Variants in GOLGA4 observed in about 807,000 individuals in gnomAD.
GOLGA4 encodes the protein golgin A4, also known as golgin subfamily A member 4.
A neutral mutation model predicts 265.9 loss-of-function variants in GOLGA4; 169 were observed. That is an observed-to-expected ratio of 0.64 (90% CI 0.56 to 0.72). The LOEUF (loss-of-function observed/expected upper bound fraction) is 0.72, where lower values mean the gene tolerates loss of function less well. GOLGA4 is among the 30% of genes least tolerant of loss of function. GOLGA4 has a pLI of 0.00. For missense variants in GOLGA4, 2,482 were observed against 2,483.4 expected (o/e 1.00, Z 0.01); for synonymous variants, 923 against 855.8 (o/e 1.08, Z -1.37).
chr3:37,349,905 A>T (rs1322407648), intron 21 of GOLGA4, among the ~76,000 whole-genome samples: 1 of 152,168 alleles, frequency 6.6e-6, no homozygotes, highest in Non-Finnish European at 1.5e-5. Flanking sequence ...TTAAAAGAAG[A>T]CTATATATAG....
chr3:37,340,272 G>T, intron 20 of GOLGA4, 73 bp downstream of exon 20: 4 of 602,092 alleles, frequency 6.6e-6, no homozygotes, highest in South Asian at 2.9e-5. Context: ...TTTTATTTTT[G>T]TTTTTGCTAA....
intron 20 of GOLGA4, among the ~76,000 whole-genome samples, chr3:37,341,461 A>G (rs2097033809): frequency 6.6e-6 from 1 of 152,162 alleles, no homozygotes; most frequent in African/African-American, 2.4e-5. Context: ...AAATAATGTA[A>G]AATACTACAC....
At position 37,361,275 on chromosome 3, in the gene GOLGA4, AAACC is replaced by A; in HGVS notation, c.*5_*8del. 6.2e-7 allele frequency: 1 copy of A among 1,613,170 alleles called. No individual in the cohort carries two copies. Among genetic ancestry groups the A allele is most frequent in the South Asian group, 1.1e-5 (1 of 91,052 alleles). On this transcript the variant is annotated 3_prime_UTR_variant, in exon 23 of 24. Transcript: ENST00000361924. ...CACCTCGCAGTGGTATCTTCTGAGT[AAACC>A]ATCAGTCTGTGCTTAGTTAACATGT...
chr3:37,325,138 G>A lies in GOLGA4; in HGVS notation c.3252G>A (p.Gly1084=), dbSNP rs1291340182. Residue 1084 remains glycine, a synonymous_variant, in exon 14 of 24, where the codon GGG becomes GGA. Transcript: ENST00000361924. ...AELKQKILLF[G]CEKEEMNKEI... is the part of the protein sequence containing the mutation. ...TGAAACAAAAGATCCTCCTATTTGG[G>A]TGTGAAAAAGAAGAGATGAACAAGG... 1.2e-6 allele frequency: 2 copies of A among 1,613,434 alleles called. No homozygotes were observed. The highest frequency in any genetic ancestry group is 1.1e-5 in the South Asian group (1 of 91,036).
chr3:37,282,710 A>G (rs576230153), intron 3 of GOLGA4, among the ~76,000 whole-genome samples: 7 of 152,292 alleles, frequency 4.6e-5, no homozygotes, highest in African/African-American at 1.7e-4. Context: ...AGGTAGCCTG[A>G]TTATTTGACA....
At chr3:37,356,439 C>A (rs2097091290) in intron 22 of GOLGA4, among the ~76,000 whole-genome samples, 1 of 152,200 alleles carries the variant, frequency 6.6e-6, no homozygotes, top group African/African-American at 2.4e-5. Flanking sequence ...GAGGCATTTG[C>A]TATTATTTTG....
At position 37,243,457 on chromosome 3, in the gene GOLGA4, T is replaced by G; in HGVS notation, c.-94T>G. The G allele has an allele frequency of 9.7e-7, 1 of 1,033,934 alleles. No homozygotes were observed. The allele number at this position is 1,033,934 out of a possible 1,614,324, so 64.0% of individuals were successfully genotyped here. ...GAGGCCCGGCCCCCGCTGTCCCTGGTGTAAAGAAGTCGCCGTAGCCGTCGC... is the reference window on the plus strand; with the variant it reads ...GAGGCCCGGCCCCCGCTGTCCCTGGGGTAAAGAAGTCGCCGTAGCCGTCGC... On this transcript the variant is annotated 5_prime_UTR_variant, in exon 1 of 24. Transcript: ENST00000361924.
Position 37,323,645 on chromosome 3 carries a change from T to C in GOLGA4, c.1759T>C (p.Ser587Pro). 2 of 1,585,188 alleles carry C rather than the reference T, an allele frequency of 1.3e-6. No homozygotes were observed. Among genetic ancestry groups the C allele is most frequent in the South Asian group, 1.2e-5 (1 of 85,084 alleles). The change falls in exon 14 of 24, where the codon TCA becomes CCA. Residue 587 changes from serine (S) to proline (P), a missense_variant. This residue lies in a region of GOLGA4 where 1,536 missense variants were observed against 1,483.7 expected (regional missense o/e 1.04). Coordinates refer to ENST00000361924, the MANE Select transcript of GOLGA4 (RefSeq NM_002078.5). ...EKSLQENKNQSKDLAVHLEAE... is the reference protein window; with the variant it reads ...EKSLQENKNQPKDLAVHLEAE... Reference sequence around the variant, plus strand: ...AAGCTTACAAGAAAACAAAAATCAGTCAAAAGATTTGGCTGTTCATCTGGA... The same window carrying C: ...AAGCTTACAAGAAAACAAAAATCAGCCAAAAGATTTGGCTGTTCATCTGGA...
At chr3:37,266,667 G>C (rs989910472) in intron 2 of GOLGA4, among the ~76,000 whole-genome samples, 6 of 152,154 alleles carry the variant, frequency 3.9e-5, no homozygotes, top group Non-Finnish European at 5.9e-5. Context: ...TTTTCCAGCA[G>C]CTTATTATTT....
chr3:37,310,805 G>A (rs2096921145), intron 10 of GOLGA4, among the ~76,000 whole-genome samples: 2 of 151,734 alleles, frequency 1.3e-5, no homozygotes, highest in African/African-American at 4.8e-5. Context: ...GTGTGTTCTT[G>A]CAACATTCTG....
intron 17 of GOLGA4, among the ~76,000 whole-genome samples, chr3:37,335,672 G>A (rs2151000513): frequency 6.6e-6 from 1 of 151,686 alleles, no homozygotes; most frequent in South Asian, 2.1e-4. Context: ...TTTGGCCAGT[G>A]GACCAGATGC....
intron 1 of GOLGA4, chr3:37,249,619 G>C (rs1359902885): frequency 6.6e-6 from 1 of 151,946 alleles, no homozygotes; most frequent in East Asian, 1.9e-4. Flanking sequence ...TGGTGGGAGA[G>C]GATATGTCAT....
chr3:37,286,278 C>T (rs1043308783), intron 4 of GOLGA4, among the ~76,000 whole-genome samples: 2 of 149,968 alleles, frequency 1.3e-5, no homozygotes, highest in Non-Finnish European at 3.0e-5. Context: ...CTCAGCCTCC[C>T]GAGTAGCTGG....
chr3:37,255,157 T>C (rs534970795), intron 2 of GOLGA4, among the ~76,000 whole-genome samples: 14 of 151,322 alleles, frequency 9.3e-5, no homozygotes, highest in African/African-American at 2.2e-4. Context: ...TTGTCATCAT[T>C]ATTATTATTA....
At chr3:37,317,440 G>A (rs1365546611) in intron 11 of GOLGA4, among the ~76,000 whole-genome samples, 1 of 152,186 alleles carries the variant, frequency 6.6e-6, no homozygotes, top group Admixed American at 6.5e-5. Context: ...AAATTGTTGG[G>A]ATTACAGGCG....
chr3:37,285,172 TTA>T (rs201354085), intron 3 of GOLGA4, among the ~76,000 whole-genome samples: 41,217 of 141,202 alleles, frequency 0.29, 6,781 homozygotes, highest in Non-Finnish European at 0.38. Flanking sequence ...TTTTTTTTTT[TTA>T]AATTATAATA....
intron 22 of GOLGA4, among the ~76,000 whole-genome samples, 193 bp downstream of exon 22, chr3:37,355,380 A>G (rs1440795186): frequency 6.6e-6 from 1 of 152,126 alleles, no homozygotes; most frequent in Admixed American, 6.6e-5. Context: ...GATGCCCTCA[A>G]GGGAAGGAAG....
At position 37,326,130 on chromosome 3, in the gene GOLGA4, A is replaced by G; in HGVS notation, c.4244A>G (p.Gln1415Arg). 6.2e-7 allele frequency: 1 copy of G among 1,613,808 alleles called. No homozygotes were observed. The highest frequency in any genetic ancestry group is 2.2e-5 in the East Asian group (1 of 44,850). ...EEKCELLDQV[Q>R]DLSFKVDTLS... Reference sequence around the variant, plus strand: ...AAATGTGAATTGCTGGATCAGGTGCAAGATTTATCTTTTAAAGTTGACACT... The same window carrying G: ...AAATGTGAATTGCTGGATCAGGTGCGAGATTTATCTTTTAAAGTTGACACT... The change falls in exon 14 of 24, where the codon CAA (glutamine) becomes CGA (arginine). Residue 1415 changes from glutamine to arginine, a missense_variant. Transcript: ENST00000361924.
intron 11 of GOLGA4, among the ~76,000 whole-genome samples, chr3:37,318,324 G>A (rs2096943732): frequency 6.6e-6 from 1 of 152,116 alleles, no homozygotes; most frequent in African/African-American, 2.4e-5. Context: ...TGGGATTACA[G>A]GCATAAGCCA....
Sources: allele counts gnomAD v4.1 joint callset (sites outside exome capture counted in the v4.1 genomes callset), GRCh38; gene constraint gnomAD v4.1.1; regional missense constraint gnomAD v4.1.1; transcripts MANE v1.5; gene names NCBI Gene and HGNC (gene_info 2026-07-23, HGNC 2026-07-21).